PTPN5: variants seen among roughly 807,000 people sequenced by gnomAD.
PTPN5 encodes tyrosine-protein phosphatase non-receptor type 5.
A neutral mutation model predicts 73.9 loss-of-function variants in PTPN5; 29 were observed. The observed-to-expected ratio is 0.39, with a 90% CI of 0.29 to 0.54. The LOEUF is 0.54. PTPN5 is among the 20% of genes least tolerant of loss of function. PTPN5 has a pLI of 0.65. For missense variants in PTPN5, 652 were observed against 751.4 expected (o/e 0.87, Z 1.55); for synonymous variants, 267 against 304.7 (o/e 0.88, Z 1.29).
At chr11:18,776,368 A>ACC (rs577951962) in intron 1 of PTPN5, among the ~76,000 whole-genome samples, 1 of 150,522 alleles carries the variant, frequency 6.6e-6, no homozygotes, top group African/African-American at 2.5e-5. Flanking sequence ...CCTCAATAGA[A>ACC]CCCTCCCCAA....
chr11:18,746,484 G>T (rs550674727), intron 3 of PTPN5, among the ~76,000 whole-genome samples: 3 of 151,936 alleles, frequency 2.0e-5, no homozygotes, highest in Non-Finnish European at 2.9e-5. Context: ...GAGCCACTGC[G>T]CCCGGCAGCT....
At chr11:18,734,636 C>T (rs530570330) in intron 9 of PTPN5, among the ~76,000 whole-genome samples, 2 of 152,324 alleles carry the variant, frequency 1.3e-5, no homozygotes, top group Admixed American at 6.5e-5. Context: ...GCCCAGCCCC[C>T]ACTCTGCTCT....
In PTPN5 at chr11:18,742,883, T is replaced by A; in HGVS notation, c.483+109A>T. On this transcript the variant is annotated intron_variant, in intron 6 of 14. Coordinates refer to ENST00000358540, the MANE Select transcript of PTPN5 (RefSeq NM_006906.2). The surrounding 1 kb of genome is among the most constrained non-coding windows in gnomAD (Gnocchi z 4.1). ...TGTGCAAAGAGATAGGTATCCCTCC[T>A]TGCCCCACCCAGAATGTCCAGCCTA... 1 of 792,350 alleles carries A rather than the reference T, an allele frequency of 1.3e-6. No individual in the cohort carries two copies. The highest frequency in any genetic ancestry group is 1.6e-5 in the South Asian group (1 of 60,932). The allele number at this position is 792,350 out of a possible 1,614,324, so 49.1% of individuals were successfully genotyped here.
intron 8 of PTPN5, 21 bp downstream of exon 8, chr11:18,740,582 G>T: frequency 1.3e-6 from 2 of 1,519,208 alleles, no homozygotes; most frequent in South Asian, 2.7e-5. Flanking sequence ...ACAGTGGGGC[G>T]ACCGGCTCAA....
At chr11:18,771,776 C>T (rs4237733) in intron 2 of PTPN5, among the ~76,000 whole-genome samples, 163 bp downstream of exon 2, 103,198 of 152,074 alleles carry the variant, frequency 0.68, 35,420 homozygotes, top group East Asian at 0.9. Flanking sequence ...TTCATCAGCA[C>T]GTTCAGCAGG....
rs1026223934 is a variant in PTPN5 at position 18,728,732 on chromosome 11, C to T, written c.*202G>A. 1.6e-4 allele frequency: 83 copies of T among 533,992 alleles called. No homozygotes were observed. Among genetic ancestry groups the T allele is most frequent in the Middle Eastern group, 4.9e-4 (1 of 2,054 alleles). 33.1% of individuals were successfully genotyped at this position (533,992 alleles called of 1,614,324 possible). A position where few individuals can be genotyped will look rare whatever the true frequency, so the allele number is the denominator to read the frequency against. ...AGGCCTGGCCTGGCATGTCCCTTCCCGACCCTGCCCCCCACTCCCCAATAT... is the reference window on the plus strand; with the variant it reads ...AGGCCTGGCCTGGCATGTCCCTTCCTGACCCTGCCCCCCACTCCCCAATAT... On this transcript the variant is annotated 3_prime_UTR_variant, in exon 15 of 15. Coordinates refer to ENST00000358540, the MANE Select transcript of PTPN5 (RefSeq NM_006906.2). The surrounding 1 kb of genome is among the most constrained non-coding windows in gnomAD (Gnocchi z 4.1).
At chr11:18,756,138 G>A (rs1850123644) in intron 3 of PTPN5, among the ~76,000 whole-genome samples, 1 of 151,826 alleles carries the variant, frequency 6.6e-6, no homozygotes, top group African/African-American at 2.4e-5. Context: ...GCCTTGTCTT[G>A]TTTAGGAAAA....
At chr11:18,776,375 C>T (rs1392430992) in intron 1 of PTPN5, among the ~76,000 whole-genome samples, 2 of 152,078 alleles carry the variant, frequency 1.3e-5, no homozygotes, top group Non-Finnish European at 2.9e-5. Flanking sequence ...AGAACCCTCC[C>T]CAACTCCCTT....
intron 3 of PTPN5, among the ~76,000 whole-genome samples, chr11:18,745,992 T>G (rs1199451231): frequency 6.6e-6 from 1 of 151,698 alleles, no homozygotes; most frequent in African/African-American, 2.4e-5. Context: ...GTATCAGCTT[T>G]GTTCATCCTC....
rs527909863 is a variant in PTPN5, at chr11:18,744,282, G to A, written c.98-83C>T. ...TGCCACCCCTTTTGGGGTGGCTGTG[G>A]CTGCCTCTCAATCTGGGATCAGTCA... On this transcript the variant is annotated intron_variant, in intron 3 of 14. Coordinates refer to ENST00000358540, the MANE Select transcript of PTPN5 (RefSeq NM_006906.2). 1,462 of 1,252,674 alleles carry A rather than the reference G, an allele frequency of 1.2e-3. 4 individuals are homozygous for A. Among genetic ancestry groups the A allele is most frequent in the Non-Finnish European group, 1.4e-3 (1,373 of 947,916 alleles). 77.6% of individuals were successfully genotyped at this position (1,252,674 alleles called of 1,614,324 possible). A position where few individuals can be genotyped will look rare whatever the true frequency, so the allele number is the denominator to read the frequency against.
chr11:18,735,176 G>A (rs866570135), intron 9 of PTPN5, among the ~76,000 whole-genome samples: 23 of 152,122 alleles, frequency 1.5e-4, no homozygotes, highest in African/African-American at 4.8e-4. Context: ...TAAAAAGAAG[G>A]ATCCTAAACC....
intron 9 of PTPN5, among the ~76,000 whole-genome samples, chr11:18,735,570 C>A (rs938166100): frequency 6.6e-6 from 1 of 152,062 alleles, no homozygotes; most frequent in African/African-American, 2.4e-5. Context: ...AAGCCCAGCA[C>A]TTTGGGAGGC....
rs1248761528 is a variant in PTPN5, at chr11:18,733,324, C to T, written c.1129G>A (p.Val377Ile). Residue 377 changes from valine to isoleucine, a missense_variant, in exon 11 of 15, where the codon GTC (valine) becomes ATC (isoleucine). This residue lies in a region of PTPN5 where 529 missense variants were observed against 573.9 expected (regional missense o/e 0.92). Transcript: ENST00000358540. This position sits in a 1 kb window ranked among gnomAD's most constrained non-coding sequence, Gnocchi z 4.3. ...KVYIATQGPI[V>I]STVADFWRMV... Reference sequence around the variant, plus strand: ...CGCCAGAAGTCGGCGACCGTGCTGACGATGGGTCCCTGAGTGGCGATGTAC... The same window carrying T: ...CGCCAGAAGTCGGCGACCGTGCTGATGATGGGTCCCTGAGTGGCGATGTAC... 25 of 1,614,018 alleles carry T rather than the reference C, an allele frequency of 1.5e-5. No individual in the cohort carries two copies. Among genetic ancestry groups the T allele is most frequent in the Non-Finnish European group, 1.9e-5 (22 of 1,180,024 alleles).
At chr11:18,767,676 C>T (rs922429646) in intron 2 of PTPN5, among the ~76,000 whole-genome samples, 3 of 152,230 alleles carry the variant, frequency 2.0e-5, no homozygotes, top group Non-Finnish European at 2.9e-5. Context: ...GCATGGTGAA[C>T]GCTTCTCCAG....
At chr11:18,762,652 T>TTTGTTGTCTA (rs770789312) in intron 3 of PTPN5, among the ~76,000 whole-genome samples, 2 of 152,216 alleles carry the variant, frequency 1.3e-5, no homozygotes, top group Non-Finnish European at 2.9e-5. Context: ...ACTTATTTTA[T>TTTGTTGTCTA]TTGTTGTCTA....
chr11:18,735,339 G>A (rs1849067002), intron 9 of PTPN5, among the ~76,000 whole-genome samples: 1 of 151,858 alleles, frequency 6.6e-6, no homozygotes, highest in Non-Finnish European at 1.5e-5. Flanking sequence ...TAAACGGGAG[G>A]GGGGCTTTTG....
intron 1 of PTPN5, among the ~76,000 whole-genome samples, chr11:18,780,419 C>T (rs1334848313): frequency 3.9e-5 from 6 of 152,216 alleles, no homozygotes; most frequent in Non-Finnish European, 5.9e-5. Context: ...AGAGCGGCCC[C>T]TAGCTCCTGC....
chr11:18,761,026 G>C (rs1012842949), intron 3 of PTPN5, among the ~76,000 whole-genome samples: 3 of 152,232 alleles, frequency 2.0e-5, no homozygotes, highest in Admixed American at 6.5e-5. Flanking sequence ...GTAGCTATTA[G>C]GGTGGAGTGT....
At position 18,790,637 on chromosome 11, in the gene PTPN5, T is replaced by C. The variant is rs192403869; in HGVS notation, c.-114+888A>G. 7.9e-3 allele frequency among the ~76,000 whole-genome samples: 1,197 copies of C among 152,180 alleles called. 25 individuals are homozygous for C. The highest frequency in any genetic ancestry group is 5.8e-3 in the Non-Finnish European group (392 of 67,984). On this transcript the variant is annotated intron_variant, in intron 1 of 14. Coordinates refer to ENST00000358540, the MANE Select transcript of PTPN5 (RefSeq NM_006906.2). ...ATAGGTAGGGAAGGTAGAAAATGAATGGCACCTGCCCCTCCAAGTGGGGCA... is the reference window on the plus strand; with the variant it reads ...ATAGGTAGGGAAGGTAGAAAATGAACGGCACCTGCCCCTCCAAGTGGGGCA...
Sources: allele counts gnomAD v4.1 joint callset (sites outside exome capture counted in the v4.1 genomes callset), GRCh38; gene constraint gnomAD v4.1.1; regional missense constraint gnomAD v4.1.1; non-coding constraint Gnocchi (gnomAD v3.1); transcripts MANE v1.5; gene names NCBI Gene and HGNC (gene_info 2026-07-23, HGNC 2026-07-21).